The following CEP295 variants were observed in gnomAD, a reference collection of about 807,000 sequenced individuals.
CEP295 encodes centrosomal protein of 295 kDa.
CEP295 carries 190 observed loss-of-function variants against 291.6 expected under a neutral mutation model. The ratio of observed to expected loss-of-function variants is 0.65; its 90% CI spans 0.58 to 0.73. CEP295 has a LOEUF of 0.73. CEP295 is among the 30% of genes least tolerant of loss of function. CEP295 has a pLI of 0.00. For synonymous variants in CEP295, 993 were observed against 1,038.8 expected, an observed-to-expected ratio of 0.96 and a Z score of 0.85; for missense variants, 2,863 against 2,949.4, an observed-to-expected ratio of 0.97 and a Z score of 0.68.
chr11:93,703,902 G>A (rs1258102473), intron 17 of CEP295, among the ~76,000 whole-genome samples: 1 of 151,516 alleles, frequency 6.6e-6, no homozygotes, highest in African/African-American at 2.4e-5. Context: ...CCGAGGAGCT[G>A]GAACTAGAGG....
intron 9 of CEP295, among the ~76,000 whole-genome samples, chr11:93,687,302 A>G (rs1271493665): frequency 6.6e-6 from 1 of 152,236 alleles, no homozygotes; most frequent in Non-Finnish European, 1.5e-5. Flanking sequence ...TACTAATCTT[A>G]CCAGCAAATT....
rs114702633 is a variant in CEP295, at chr11:93,669,945, T to C, written c.528+175T>C. 5.1e-3 allele frequency among the ~76,000 whole-genome samples: 769 copies of C among 152,274 alleles called. 11 individuals are homozygous for C. Among genetic ancestry groups the C allele is most frequent in the African/African-American group, 0.017 (709 of 41,580 alleles). The stretch of plus-strand genomic sequence containing the variant: ...AAATAATTCTAGATATCATTTCACC[T>C]GTAAATACTTTAGTATGTATCTCTG... On this transcript the variant is annotated intron_variant, in intron 5 of 29. Coordinates refer to ENST00000325212, the MANE Select transcript of CEP295 (RefSeq NM_033395.2).
At chr11:93,664,531 T>G (rs1376672798) in intron 1 of CEP295, among the ~76,000 whole-genome samples, 1 of 152,230 alleles carries the variant, frequency 6.6e-6, no homozygotes, top group Non-Finnish European at 1.5e-5. Flanking sequence ...CAGCAGTTAG[T>G]CCTTTTTGGT....
At chr11:93,678,450 C>G (rs897553284) in intron 6 of CEP295, among the ~76,000 whole-genome samples, 8 of 152,316 alleles carry the variant, frequency 5.3e-5, no homozygotes, top group Admixed American at 1.3e-4. Context: ...ATCTCTCTAC[C>G]TATTTATCTC....
chr11:93,699,953 C>T lies in CEP295; in HGVS notation c.5041C>T (p.Pro1681Ser), dbSNP rs1313426660. 1 of 1,551,720 alleles carries T rather than the reference C, an allele frequency of 6.4e-7. No homozygotes were observed. The highest frequency in any genetic ancestry group is 8.7e-7 in the Non-Finnish European group (1 of 1,146,998). ...TTCATCCCAGAATGAACATGCAGCC[C>T]CCCCAAGTAATCCTGTGATCCCAGG... ...LYSSQNEHAA[P>S]PSNPVIPGFQ... The change falls in exon 15 of 30, where the codon CCC (proline) becomes TCC (serine). Residue 1681 changes from proline (P) to serine (S), a missense_variant. Pro to Ser is a moderately conservative substitution (Grantham distance 74). Transcript: ENST00000325212.
intron 4 of CEP295, among the ~76,000 whole-genome samples, chr11:93,669,474 A>AG (rs1950335301): frequency 6.6e-6 from 1 of 150,814 alleles, no homozygotes; most frequent in Admixed American, 6.6e-5. Flanking sequence ...CCCACCATAG[A>AG]GCTTTCTGTC....
At chr11:93,718,682 C>T (rs900950770) in intron 18 of CEP295, among the ~76,000 whole-genome samples, 3 of 152,188 alleles carry the variant, frequency 2.0e-5, no homozygotes, top group African/African-American at 7.2e-5. Context: ...CCCAGATTAA[C>T]TTCTCATTTC....
At chr11:93,693,026 C>A (rs1018889734) in intron 12 of CEP295, among the ~76,000 whole-genome samples, 11 of 150,596 alleles carry the variant, frequency 7.3e-5, no homozygotes, top group African/African-American at 2.7e-4. Context: ...GCCTGTAATC[C>A]CAGCACTTTG....
At chr11:93,728,915 TTATGC>T in intron 25 of CEP295, 94 bp downstream of exon 25, 1 of 1,158,096 alleles carries the variant, frequency 8.6e-7, no homozygotes, top group African/African-American at 1.6e-5. Flanking sequence ...TTGGAGGGAA[TTATGC>T]TATGCATTTA....
intron 24 of CEP295, chr11:93,728,007 G>A (rs1937620689): frequency 5.8e-6 from 1 of 172,816 alleles, no homozygotes; most frequent in Non-Finnish European, 1.2e-5. Context: ...AAAAATGGTG[G>A]TTCTGCCTGT....
At chr11:93,669,252 G>A (rs1202502186) in intron 4 of CEP295, among the ~76,000 whole-genome samples, 3 of 152,016 alleles carry the variant, frequency 2.0e-5, no homozygotes. Context: ...AAAAATTGAT[G>A]TGATTAAGAA....
intron 7 of CEP295, among the ~76,000 whole-genome samples, chr11:93,683,131 C>G (rs745565063): frequency 3.9e-5 from 6 of 152,166 alleles, no homozygotes; most frequent in Non-Finnish European, 5.9e-5. Flanking sequence ...CACCCTGGGT[C>G]TTGGTGCTTA....
rs55948111 is a variant in CEP295, at chr11:93,685,700, C to CTTTGTTTGTTTG, written c.1114+1588_1114+1599dup. On this transcript the variant is annotated intron_variant, in intron 9 of 29. Coordinates refer to ENST00000325212, the MANE Select transcript of CEP295 (RefSeq NM_033395.2). ...TCTTTTCATGCCAGGTCAGCTGTGT[C>CTTTGTTTGTTTG]TTTGTTTGTTTGTTTGTTTGTTTGT... Among the ~76,000 whole-genome samples, 779 of 150,686 alleles carry CTTTGTTTGTTTG rather than the reference C, an allele frequency of 5.2e-3. 10 individuals carry two copies. In the East Asian group the frequency reaches 0.056, roughly 11 times the overall value.
At chr11:93,674,495 T>C (rs1170433577) in intron 5 of CEP295, among the ~76,000 whole-genome samples, 1 of 152,174 alleles carries the variant, frequency 6.6e-6, no homozygotes, top group Middle Eastern at 3.2e-3. Flanking sequence ...GCTCAGGAGT[T>C]ACAGTGCAGA....
chr11:93,722,094 C>A, intron 20 of CEP295, 44 bp downstream of exon 20: 1 of 1,142,032 alleles, frequency 8.8e-7, no homozygotes, highest in Non-Finnish European at 1.3e-6. Flanking sequence ...AAGACCGGCA[C>A]CAGTTGAGTT....
chr11:93,699,891 T>C lies in CEP295; in HGVS notation c.4979T>C (p.Phe1660Ser). 6.4e-7 allele frequency: 1 copy of C among 1,551,942 alleles called. No individual in the cohort carries two copies. Among genetic ancestry groups the C allele is most frequent in the African/African-American group, 1.4e-5 (1 of 73,176 alleles). Residue 1660 changes from phenylalanine (F) to serine (S), a missense_variant, in exon 15 of 30, where the codon TTT (phenylalanine) becomes TCT (serine). Phe to Ser is a radical substitution (Grantham distance 155). This residue lies in a region of CEP295 where 2,295 missense variants were observed against 2,335.7 expected (regional missense o/e 0.98). Transcript: ENST00000325212. ...GAGCATTCGTTTATTCCACTACCTT[T>C]TGCAGAAGCTAAACCTAAAAGCACT... ...ETEHSFIPLP[F>S]AEAKPKSTCE...
Position 93,699,649 on chromosome 11 carries a change from T to C in CEP295, c.4737T>C (p.His1579=), listed in dbSNP as rs1299866263. 8 of 1,551,452 alleles carry C rather than the reference T, an allele frequency of 5.2e-6. No individual in the cohort carries two copies. In the Admixed American group the frequency reaches 1.6e-4, roughly 30 times the overall value. The change falls in exon 15 of 30, where the codon CAT becomes CAC. Residue 1579 remains histidine (H), a synonymous_variant. Coordinates refer to ENST00000325212, the MANE Select transcript of CEP295 (RefSeq NM_033395.2). ...TKSNDTLPSS[H]REIPRLQDRL... is the part of the protein sequence containing the mutation. ...GTAATGATACTCTTCCCTCAAGTCA[T>C]CGTGAGATTCCAAGATTACAGGATA...
chr11:93,728,185 T>C (rs1452933074), intron 24 of CEP295: 1 of 154,652 alleles, frequency 6.5e-6, no homozygotes, highest in Non-Finnish European at 1.4e-5. Flanking sequence ...CAGTTTATCC[T>C]TCCACAAATA....
intron 12 of CEP295, among the ~76,000 whole-genome samples, chr11:93,694,577 G>T (rs1054646350): frequency 3.9e-5 from 6 of 152,140 alleles, no homozygotes; most frequent in Admixed American, 2.6e-4. Flanking sequence ...TAAAATAAGG[G>T]TTATTTGAAC....
Sources: allele counts gnomAD v4.1 joint callset (sites outside exome capture counted in the v4.1 genomes callset), GRCh38; gene constraint gnomAD v4.1.1; regional missense constraint gnomAD v4.1.1; transcripts MANE v1.5; gene names NCBI Gene and HGNC (gene_info 2026-07-23, HGNC 2026-07-21).